PTPN22: variants seen among roughly 807,000 people sequenced by gnomAD.
PTPN22 encodes protein tyrosine phosphatase non-receptor type 22.
In PTPN22, 85 loss-of-function variants were observed where a neutral mutation model predicts 103.3. The ratio of observed to expected loss-of-function variants is 0.82; its 90% CI spans 0.69 to 0.99. PTPN22 has a LOEUF of 0.99. PTPN22 is among the 50% of genes least tolerant of loss of function. The pLI, the probability that PTPN22 is intolerant of heterozygous loss-of-function variation, is 0.00. For synonymous variants in PTPN22, 323 were observed against 310.2 expected, an observed-to-expected ratio of 1.04 and a Z score of -0.43; for missense variants, 865 against 936.9, an observed-to-expected ratio of 0.92 and a Z score of 1.00.
At chr1:113,855,098 A>C (rs745947081) in intron 7 of PTPN22, 49 bp from the exon 8 acceptor site, 1 of 1,508,748 alleles carries the variant, frequency 6.6e-7, no homozygotes, top group Non-Finnish European at 9.2e-7. Context: ...GGGCTGAAAA[A>C]CCACCTATTG....
intron 1 of PTPN22, among the ~76,000 whole-genome samples, chr1:113,865,957 G>A (rs1558059940): frequency 6.6e-6 from 1 of 152,126 alleles, no homozygotes; most frequent in Non-Finnish European, 1.5e-5. Flanking sequence ...TTCAAACCAA[G>A]ATTTATATGA....
In PTPN22 at chr1:113,823,741, C is replaced by T. The variant is rs575448801; in HGVS notation, c.2281+1401G>A. On this transcript the variant is annotated intron_variant, in intron 19 of 20. Coordinates refer to ENST00000359785, the Ensembl canonical transcript of PTPN22. The stretch of plus-strand genomic sequence containing the variant: ...GGTTAACCATTTAAGTCACTCATTT[C>T]TTTGCACTTGGCTGTTTTATTTCCC... 4.6e-5 allele frequency among the ~76,000 whole-genome samples: 7 copies of T among 152,324 alleles called. No individual in the cohort carries two copies. The East Asian group carries it at 1.3e-3, about 29-fold the overall frequency.
exon 20 of PTPN22, chr1:113,819,636 G>T: frequency 6.3e-7 from 1 of 1,598,580 alleles, no homozygotes; most frequent in Non-Finnish European, 8.5e-7. Flanking sequence ...CTTGTTTGGT[G>T]GGCAAGAATT....
intron 1 of PTPN22, among the ~76,000 whole-genome samples, chr1:113,867,000 G>A (rs553639510): frequency 3.0e-4 from 46 of 152,286 alleles, no homozygotes; most frequent in Non-Finnish European, 5.7e-4. Context: ...GCTCGTCTCA[G>A]CCTCTCAAAG....
Position 113,871,525 on chromosome 1 carries a change from T to A in PTPN22, c.87+12A>T. The A allele has an allele frequency of 6.2e-7, 1 of 1,612,290 alleles. No homozygotes were observed. The highest frequency in any genetic ancestry group is 8.5e-7 in the Non-Finnish European group (1 of 1,178,358). The stretch of plus-strand genomic sequence containing the variant: ...ATGTAACTACCCTGAGAGGGTCACA[T>A]ACAGGACTCACCAGAAATTCATTGG... On this transcript the variant is annotated intron_variant, in intron 1 of 20. Coordinates refer to ENST00000359785, the Ensembl canonical transcript of PTPN22.
In PTPN22 at chr1:113,814,951, GA is replaced by G. The variant is rs2101844755; in HGVS notation, c.2377del (p.Ser793GlnfsTer22). ...TGGATTCCTTGGTCCTTTGGGTTTT[GA>G]AAAACGGTTTGCAAAACCTGGGAAC... On this transcript the variant is annotated frameshift_variant, in exon 21 of 21. Transcript: ENST00000359785. LOFTEE classifies it high-confidence loss of function. 1.2e-6 allele frequency: 2 copies of G among 1,606,922 alleles called. No individual in the cohort carries two copies. Among genetic ancestry groups the G allele is most frequent in the East Asian group, 2.2e-5 (1 of 44,690 alleles).
At position 113,833,693 on chromosome 1, in the gene PTPN22, C is replaced by G. The variant is rs183160104; in HGVS notation, c.2026-555G>C. ...ATGCATAACATTTTTAGATACACTT[C>G]TATTTTTCCTCCAGAAGCAGGACAC... On this transcript the variant is annotated intron_variant, in intron 15 of 20. Transcript: ENST00000359785. Among the ~76,000 whole-genome samples the G allele has an allele frequency of 1.6e-3, 242 of 152,280 alleles. 2 individuals are homozygous for G. The highest frequency in any genetic ancestry group is 5.7e-3 in the African/African-American group (237 of 41,566).
At chr1:113,855,523 A>G (rs1054649777) in intron 7 of PTPN22, among the ~76,000 whole-genome samples, 46 of 151,920 alleles carry the variant, frequency 3.0e-4, no homozygotes, top group African/African-American at 1.1e-3. Flanking sequence ...AAAAAAAAAA[A>G]AAAAGTTGAA....
chr1:113,821,226 A>G (rs1661571794), intron 19 of PTPN22, among the ~76,000 whole-genome samples: 1 of 152,158 alleles, frequency 6.6e-6, no homozygotes, highest in South Asian at 2.1e-4. Context: ...TTTTTTTACA[A>G]AGGAGGCACA....
chr1:113,834,772 G>A, intron 14 of PTPN22, 138 bp downstream of exon 14: 1 of 776,228 alleles, frequency 1.3e-6, no homozygotes, highest in Admixed American at 2.6e-5. Flanking sequence ...TGTTGCGCAG[G>A]CTAGTCTTGA....
chr1:113,856,694 A>T, intron 5 of PTPN22, 75 bp from the exon 6 acceptor site: 1 of 1,597,712 alleles, frequency 6.3e-7, no homozygotes, highest in Non-Finnish European at 8.5e-7. Flanking sequence ...TTGGAAGCAA[A>T]TTCAGCTCTA....
At chr1:113,817,261 GATCTCTTTCACTGGTC>G (rs1420849557) in intron 20 of PTPN22, among the ~76,000 whole-genome samples, 2 of 152,130 alleles carry the variant, frequency 1.3e-5, no homozygotes, top group Non-Finnish European at 2.9e-5. Flanking sequence ...GCATATATTT[GATCTCTTTCACTGGTC>G]AATTCTCAGT....
chr1:113,851,586 G>A (rs1055272554), intron 10 of PTPN22, among the ~76,000 whole-genome samples: 1 of 152,112 alleles, frequency 6.6e-6, no homozygotes, highest in Non-Finnish European at 1.5e-5. Context: ...TTCCTAAAAC[G>A]AGCACATAGA....
chr1:113,859,435 T>C (rs374232213), exon 2 of PTPN22: 2 of 1,613,764 alleles, frequency 1.2e-6, no homozygotes, highest in Non-Finnish European at 1.7e-6. Context: ...GTCTGCCTTG[T>C]ACTTGGTAGA....
chr1:113,837,820 G>A, exon 13 of PTPN22: 1 of 1,613,864 alleles, frequency 6.2e-7, no homozygotes, highest in Non-Finnish European at 8.5e-7. Flanking sequence ...AGGTATGTAA[G>A]AATATACACC....
chr1:113,842,588 C>T (rs1450269353), intron 11 of PTPN22, among the ~76,000 whole-genome samples: 1 of 151,390 alleles, frequency 6.6e-6, no homozygotes, highest in African/African-American at 2.4e-5. Context: ...GCAGGAGAAT[C>T]GCTTGAACCC....
At chr1:113,861,977 T>A (rs1665652033) in intron 1 of PTPN22, among the ~76,000 whole-genome samples, 1 of 151,888 alleles carries the variant, frequency 6.6e-6, no homozygotes, top group African/African-American at 2.4e-5. Context: ...GGGGAATAGT[T>A]GCCAAGAGGA....
chr1:113,820,355 G>A (rs1009437055), intron 19 of PTPN22, among the ~76,000 whole-genome samples: 2 of 152,112 alleles, frequency 1.3e-5, no homozygotes, highest in East Asian at 3.8e-4. Context: ...CTACTTGGGA[G>A]GCTGAGGCAC....
intron 9 of PTPN22, among the ~76,000 whole-genome samples, chr1:113,854,069 T>C (rs919526016): frequency 6.6e-6 from 1 of 151,932 alleles, no homozygotes; most frequent in Non-Finnish European, 1.5e-5. Context: ...GGTTTCACCA[T>C]GTTAGCCAAG....
Sources: gnomAD v4.1 joint callset for allele counts (sites outside exome capture counted in the v4.1 genomes callset) on GRCh38, gnomAD v4.1.1 for gene constraint, MANE v1.5 for transcripts, NCBI Gene and HGNC (gene_info 2026-07-23, HGNC 2026-07-21) for gene names.